RAB33B: variants seen among roughly 807,000 people sequenced by gnomAD.
RAB33B encodes the protein RAB33B, member RAS oncogene family.
Under a neutral mutation model 15.0 loss-of-function variants are expected in RAB33B, and 6 were observed. The ratio of observed to expected loss-of-function variants is 0.40; its 90% confidence interval spans 0.22 to 0.79. The LOEUF (loss-of-function observed/expected upper bound fraction) is 0.79. Among genes scored for constraint, RAB33B ranks in the 30% least tolerant of loss-of-function variants. The probability of loss-of-function intolerance (pLI) is 0.37; values close to 1 mark genes in which losing one functional copy is unlikely to be tolerated. For missense variants in RAB33B, 257 were observed against 296.4 expected (o/e 0.87, Z 0.98); for synonymous variants, 117 against 108.3 (o/e 1.08, Z -0.50).
intron 1 of RAB33B, among the ~76,000 whole-genome samples, chr4:139,456,431 G>C (rs1299748737): frequency 6.6e-6 from 1 of 152,178 alleles, no homozygotes; most frequent in East Asian, 1.9e-4. Flanking sequence ...AAATTTAAGA[G>C]ATAATAGTAT....
intron 1 of RAB33B, among the ~76,000 whole-genome samples, chr4:139,466,487 C>T (rs1296559116): frequency 6.6e-6 from 1 of 152,042 alleles, no homozygotes; most frequent in African/African-American, 2.4e-5. Flanking sequence ...AGCTCTAGTT[C>T]CCTTGGATAG....
At chr4:139,451,968 G>C (rs576273675), upstream of RAB33B, 3 of 152,266 alleles carry the variant, frequency 2.0e-5, no homozygotes, top group African/African-American at 4.8e-5. Context: ...ATCAATTCTG[G>C]AGATTCTGGG....
intron 1 of RAB33B, among the ~76,000 whole-genome samples, chr4:139,465,101 T>A (rs1750257033): frequency 6.6e-6 from 1 of 152,230 alleles, no homozygotes; most frequent in African/African-American, 2.4e-5. Flanking sequence ...TGAGATGGTA[T>A]CTCATTGTGG....
At chr4:139,461,584 T>C (rs528121620) in intron 1 of RAB33B, among the ~76,000 whole-genome samples, 1 of 152,170 alleles carries the variant, frequency 6.6e-6, no homozygotes. Flanking sequence ...GAGTAAATGC[T>C]CATTCCTTCA....
chr4:139,471,041 T>G (rs1750378978), intron 1 of RAB33B, among the ~76,000 whole-genome samples: 1 of 152,220 alleles, frequency 6.6e-6, no homozygotes, highest in Non-Finnish European at 1.5e-5. Flanking sequence ...CTCCCTTGGC[T>G]GTCCCAGCTG....
intron 1 of RAB33B, among the ~76,000 whole-genome samples, chr4:139,469,755 C>A (rs1561007226): frequency 6.6e-6 from 1 of 152,184 alleles, no homozygotes; most frequent in Non-Finnish European, 1.5e-5. Flanking sequence ...CGTAGAGTTA[C>A]CACCTTGATG....
chr4:139,464,920 G>A (rs186185260), intron 1 of RAB33B, among the ~76,000 whole-genome samples: 6 of 152,104 alleles, frequency 3.9e-5, no homozygotes, highest in African/African-American at 1.4e-4. Context: ...GAGATCGCTG[G>A]GTCAAATGGT....
At chr4:139,444,437 G>A in the RAB33B span, among the ~76,000 whole-genome samples, 39 of 152,042 alleles carry the variant, frequency 2.6e-4, no homozygotes, top group Non-Finnish European at 5.1e-4. Context: ...TTGAATGAAG[G>A]GGAGGCCAGT....
At position 139,473,174 on chromosome 4, in the gene RAB33B, T is replaced by A; in HGVS notation, c.*48T>A. On this transcript the variant is annotated 3_prime_UTR_variant, in exon 2 of 2. Coordinates refer to ENST00000305626, the MANE Select transcript of RAB33B (RefSeq NM_031296.3). ...CTAATTTTGACTAAAGAAATACTTTTGAAGTATGACAGTATTAAGTCATAA... is the reference window on the plus strand; with the variant it reads ...CTAATTTTGACTAAAGAAATACTTTAGAAGTATGACAGTATTAAGTCATAA... 1 of 1,457,554 alleles carries A rather than the reference T, an allele frequency of 6.9e-7. No individual in the cohort carries two copies. Among genetic ancestry groups the A allele is most frequent in the Non-Finnish European group, 9.2e-7 (1 of 1,082,790 alleles). 90.3% of individuals were successfully genotyped at this position (1,457,554 alleles called of 1,614,324 possible). A position where few individuals can be genotyped will look rare whatever the true frequency, so the allele number is the denominator to read the frequency against.
chr4:139,439,019 T>A, the RAB33B span, among the ~76,000 whole-genome samples: 1 of 152,142 alleles, frequency 6.6e-6, no homozygotes, highest in East Asian at 1.9e-4. Flanking sequence ...GGGATTCTTT[T>A]ATTTTTTTTT....
chr4:139,466,330 A>G (rs1330401999), intron 1 of RAB33B, among the ~76,000 whole-genome samples: 1 of 152,208 alleles, frequency 6.6e-6, no homozygotes, highest in Non-Finnish European at 1.5e-5. Flanking sequence ...ACCATTGCTA[A>G]TATTTTGGTA....
the RAB33B span, among the ~76,000 whole-genome samples, chr4:139,443,934 C>T: frequency 6.6e-6 from 1 of 152,212 alleles, no homozygotes; most frequent in Non-Finnish European, 1.5e-5. Context: ...GAGCCACCCC[C>T]AATACCCTTG....
chr4:139,443,153 C>T, the RAB33B span, among the ~76,000 whole-genome samples: 13 of 152,048 alleles, frequency 8.5e-5, no homozygotes, highest in Non-Finnish European at 1.3e-4. Flanking sequence ...CCACCATGCC[C>T]GGCTAATTTT....
At chr4:139,471,489 A>G (rs1460060491) in intron 1 of RAB33B, among the ~76,000 whole-genome samples, 3 of 148,536 alleles carry the variant, frequency 2.0e-5, no homozygotes, top group Non-Finnish European at 4.4e-5. Context: ...ACTAGGTACT[A>G]TGAGTGCTCA....
At position 139,464,854 on chromosome 4, in the gene RAB33B, C is replaced by T. The variant is rs577855245; in HGVS notation, c.250-7832C>T. Among the ~76,000 whole-genome samples, 11 of 152,204 alleles carry T rather than the reference C, an allele frequency of 7.2e-5. No individual in the cohort carries two copies. The East Asian group carries it at 1.2e-3, about 16-fold the overall frequency. ...AATAGTGCTGTAATAAACATACGTG[C>T]GCATGTGTCTTTATAGTCTCATGAT... On this transcript the variant is annotated intron_variant, in intron 1 of 1. Transcript: ENST00000305626.
chr4:139,438,577 C>A, the RAB33B span, among the ~76,000 whole-genome samples: 2 of 151,194 alleles, frequency 1.3e-5, no homozygotes, highest in East Asian at 3.9e-4. Context: ...TGACTACCTG[C>A]CAACCCGGAA....
chr4:139,463,144 A>G (rs6818778), intron 1 of RAB33B, among the ~76,000 whole-genome samples: 42,131 of 152,112 alleles, frequency 0.28, 6,253 homozygotes, highest in African/African-American at 0.37. Context: ...CCAACCTGGC[A>G]AGAGTGAGAC....
intron 1 of RAB33B, 141 bp downstream of exon 1, chr4:139,454,585 G>A (rs540069850): frequency 3.2e-6 from 3 of 949,836 alleles, no homozygotes; most frequent in African/African-American, 1.7e-5. Context: ...GGGATTGGAA[G>A]GATTGCAATA....
At chr4:139,451,269 T>C (rs56046017), upstream of RAB33B, 590 of 152,122 alleles carry the variant, frequency 3.9e-3, 3 homozygotes, top group African/African-American at 0.013. Flanking sequence ...AGTGCAACTA[T>C]AGCTCACTGC....
Sources: allele counts gnomAD v4.1 joint callset (sites outside exome capture counted in the v4.1 genomes callset), GRCh38; gene constraint gnomAD v4.1.1; transcripts MANE v1.5; gene names NCBI Gene and HGNC (gene_info 2026-07-23, HGNC 2026-07-21).